The following GRID1 variants were observed in gnomAD, a reference collection of about 807,000 sequenced individuals.
GRID1 encodes glutamate ionotropic receptor delta type subunit 1.
A neutral mutation model predicts 98.0 loss-of-function variants in GRID1; 28 were observed. The ratio of observed to expected loss-of-function variants is 0.29; its 90% CI spans 0.21 to 0.39. The LOEUF (loss-of-function observed/expected upper bound fraction) is 0.39, where lower values mean the gene tolerates loss of function less well. Ranked by LOEUF, GRID1 falls within the 10% of genes least tolerant of loss-of-function variation. The pLI is 1.00. For synonymous variants in GRID1, 553 were observed against 538.5 expected (o/e 1.03, Z -0.37); for missense variants, 1,111 against 1,340.5 (o/e 0.83, Z 2.67).
At chr10:85,925,643 G>T (rs1303480318) in intron 4 of GRID1, among the ~76,000 whole-genome samples, 1 of 152,216 alleles carries the variant, frequency 6.6e-6, no homozygotes, top group South Asian at 2.1e-4. Flanking sequence ...GCTGCTGCCT[G>T]CATCCAAAGA....
chr10:86,050,728 T>A lies in GRID1; in HGVS notation c.726+88091A>T, dbSNP rs141797048. ...AACATGGAAAGATACACCAAGTTCT[T>A]GGGTAGAACTCAATATCATAAAGAT... is the stretch of plus-strand genomic sequence containing the variant. On this transcript the variant is annotated intron_variant, in intron 4 of 15. Coordinates refer to ENST00000327946, the MANE Select transcript of GRID1 (RefSeq NM_017551.3). Among the ~76,000 whole-genome samples, 1,187 of 152,244 alleles carry A rather than the reference T, an allele frequency of 7.8e-3. 12 individuals carry two copies. The highest frequency in any genetic ancestry group is 0.013 in the Non-Finnish European group (864 of 68,018).
chr10:85,874,593 A>G (rs1040232163), intron 5 of GRID1, among the ~76,000 whole-genome samples: 23 of 152,284 alleles, frequency 1.5e-4, no homozygotes, highest in African/African-American at 5.5e-4. Flanking sequence ...TTCTAGATAC[A>G]AAGCCTTTGT....
rs1233405834 is a variant in GRID1 at position 86,101,993 on chromosome 10, G to A, written c.726+36826C>T. Reference sequence around the variant, plus strand: ...AGTTTGCGGTTATTACAACAAAGCCGCTATAAGCATTCACAAAGAGCAAAC... The same window carrying A: ...AGTTTGCGGTTATTACAACAAAGCCACTATAAGCATTCACAAAGAGCAAAC... On this transcript the variant is annotated intron_variant, in intron 4 of 15. Coordinates refer to ENST00000327946, the MANE Select transcript of GRID1 (RefSeq NM_017551.3). 1.7e-4 allele frequency among the ~76,000 whole-genome samples: 26 copies of A among 152,134 alleles called. 1 individual carries two copies. Among genetic ancestry groups the A allele is most frequent in the Admixed American group, 1.6e-3 (24 of 15,270 alleles).
At chr10:86,200,097 G>C (rs968807899) in intron 3 of GRID1, among the ~76,000 whole-genome samples, 3 of 152,024 alleles carry the variant, frequency 2.0e-5, no homozygotes, top group Non-Finnish European at 4.4e-5. Context: ...TCTGGAAAGA[G>C]GGAAGCAAGT....
At chr10:85,614,434 T>A (rs1842766451) in intron 14 of GRID1, among the ~76,000 whole-genome samples, 1 of 152,210 alleles carries the variant, frequency 6.6e-6, no homozygotes, top group African/African-American at 2.4e-5. Context: ...GCAAATAGTG[T>A]TGAATCCTCA....
chr10:85,793,768 A>G (rs11201798), intron 8 of GRID1, among the ~76,000 whole-genome samples: 11 of 152,240 alleles, frequency 7.2e-5, no homozygotes, highest in Non-Finnish European at 1.5e-4. Flanking sequence ...GAATCAATCA[A>G]CAGTGGGAAG....
At chr10:85,765,099 C>T (rs551476217) in intron 8 of GRID1, among the ~76,000 whole-genome samples, 1 of 152,142 alleles carries the variant, frequency 6.6e-6, no homozygotes, top group South Asian at 2.1e-4. Context: ...TCAAAACAAC[C>T]CCATAATTTT....
At chr10:85,746,598 G>A (rs1361833345) in intron 8 of GRID1, among the ~76,000 whole-genome samples, 1 of 152,110 alleles carries the variant, frequency 6.6e-6, no homozygotes, top group Non-Finnish European at 1.5e-5. Context: ...CCATATAAGA[G>A]ATTCAACAGC....
chr10:86,340,039 C>G (rs1397071186), intron 2 of GRID1, among the ~76,000 whole-genome samples: 1 of 152,054 alleles, frequency 6.6e-6, no homozygotes, highest in Non-Finnish European at 1.5e-5. Context: ...GAAGAACTCA[C>G]AGAGGCGGAG....
At position 85,831,419 on chromosome 10, in the gene GRID1, A is replaced by G. The variant is rs929085890; in HGVS notation, c.1233+23077T>C. On this transcript the variant is annotated intron_variant, in intron 8 of 15. Transcript: ENST00000327946. ...ACCTATATAACAAACCTGCATATAT[A>G]CCCCTGAAGCTAAAATAAGTTTTAT... 2.6e-5 allele frequency among the ~76,000 whole-genome samples: 4 copies of G among 152,040 alleles called. No homozygotes were observed. The East Asian group carries it at 7.7e-4, about 29-fold the overall frequency.
At chr10:85,605,414 C>A (rs556382709) in intron 15 of GRID1, 15 of 152,314 alleles carry the variant, frequency 9.8e-5, no homozygotes, top group Admixed American at 8.5e-4. Context: ...CTTGGAGAAG[C>A]CTGAACAAGC....
At chr10:85,632,760 G>T (rs1435969246) in intron 13 of GRID1, among the ~76,000 whole-genome samples, 3 of 152,164 alleles carry the variant, frequency 2.0e-5, no homozygotes, top group East Asian at 3.9e-4. Flanking sequence ...GGATACATGT[G>T]CAAGATGTGC....
At chr10:85,660,070 C>T (rs1590178773) in intron 12 of GRID1, among the ~76,000 whole-genome samples, 1 of 152,182 alleles carries the variant, frequency 6.6e-6, no homozygotes, top group African/African-American at 2.4e-5. Flanking sequence ...GCTTGTGGCA[C>T]CATTAGCAAT....
intron 4 of GRID1, among the ~76,000 whole-genome samples, chr10:86,084,937 G>T (rs368712108): frequency 6.6e-6 from 1 of 152,266 alleles, no homozygotes; most frequent in East Asian, 1.9e-4. Context: ...TAATAAAAAA[G>T]TTCTGGAAAC....
chr10:85,976,236 A>T (rs1467020298), intron 4 of GRID1, among the ~76,000 whole-genome samples: 2 of 152,194 alleles, frequency 1.3e-5, no homozygotes, highest in East Asian at 1.9e-4. Context: ...TCAAACTGTG[A>T]TCATTTCCTG....
chr10:86,020,136 G>A (rs1298459068), intron 4 of GRID1, among the ~76,000 whole-genome samples: 1 of 152,256 alleles, frequency 6.6e-6, no homozygotes, highest in East Asian at 1.9e-4. Context: ...ACTCCCCTCA[G>A]AGGGCTGGCA....
At chr10:86,350,126 G>C (rs1863825) in intron 2 of GRID1, among the ~76,000 whole-genome samples, 151,664 of 152,304 alleles carry the variant, frequency 1, 75,515 homozygotes, top group East Asian at 1. Flanking sequence ...GCATGCTTGG[G>C]TTGTTGGAGA....
chr10:85,793,090 GA>G (rs1191124208), intron 8 of GRID1, among the ~76,000 whole-genome samples: 4 of 152,054 alleles, frequency 2.6e-5, no homozygotes, highest in Admixed American at 2.0e-4. Context: ...CTCCTTTCTG[GA>G]GCTCAACACT....
chr10:85,869,996 T>C (rs1433658488), intron 5 of GRID1, among the ~76,000 whole-genome samples: 1 of 151,910 alleles, frequency 6.6e-6, no homozygotes, highest in African/African-American at 2.4e-5. Flanking sequence ...TGACAAGGGG[T>C]GGACTTGTGA....
Sources: allele counts gnomAD v4.1 joint callset (sites outside exome capture counted in the v4.1 genomes callset), GRCh38; gene constraint gnomAD v4.1.1; transcripts MANE v1.5; gene names NCBI Gene and HGNC (gene_info 2026-07-23, HGNC 2026-07-21).